Variants in CAMTA1 observed in about 807,000 individuals in gnomAD.
CAMTA1 encodes calmodulin binding transcription activator 1, also known as calmodulin-binding transcription activator 1.
A neutral mutation model predicts 170.9 loss-of-function variants in CAMTA1; 27 were observed. That is an observed-to-expected ratio of 0.16 (90% CI 0.12 to 0.22). CAMTA1 has a LOEUF of 0.22. Ranked by LOEUF, CAMTA1 falls within the 10% of genes least tolerant of loss-of-function variation. CAMTA1 has a pLI of 1.00. For missense variants in CAMTA1, 1,619 were observed against 2,217.2 expected (o/e 0.73, Z 5.42); for synonymous variants, 833 against 891.5 (o/e 0.93, Z 1.17).
At chr1:7,729,396 G>T (rs946114545) in intron 11 of CAMTA1, among the ~76,000 whole-genome samples, 1 of 152,128 alleles carries the variant, frequency 6.6e-6, no homozygotes, top group Admixed American at 6.6e-5. Flanking sequence ...GATTACAGGC[G>T]TGAGCCACCT....
At chr1:6,978,837 G>A (rs541752042) in intron 3 of CAMTA1, among the ~76,000 whole-genome samples, 4 of 152,230 alleles carry the variant, frequency 2.6e-5, no homozygotes, top group Non-Finnish European at 4.4e-5. Flanking sequence ...TTAATTGCTC[G>A]GTGTTTGGGA....
intron 4 of CAMTA1, among the ~76,000 whole-genome samples, chr1:7,152,270 C>G (rs780860249): frequency 6.6e-6 from 1 of 152,120 alleles, no homozygotes; most frequent in African/African-American, 2.4e-5. Flanking sequence ...TGCCAAGACT[C>G]GAAGCAGTAG....
intron 5 of CAMTA1, among the ~76,000 whole-genome samples, chr1:7,310,647 T>TCTTTCTTTCTTTCTTTTC (rs61161982): frequency 2.0e-5 from 1 of 49,148 alleles, no homozygotes; most frequent in African/African-American, 8.0e-5. Context: ...TTTCTTTCTT[T>TCTTTCTTTCTTTCTTTTC]TTTCTTTCTT....
intron 3 of CAMTA1, among the ~76,000 whole-genome samples, chr1:6,954,762 T>C (rs1335467792): frequency 3.3e-5 from 5 of 151,948 alleles, no homozygotes; most frequent in African/African-American, 1.2e-4. Flanking sequence ...GCAGCTGGAG[T>C]GGGAGCCACG....
At chr1:7,501,163 C>G in intron 6 of CAMTA1, among the ~76,000 whole-genome samples, 1 of 152,118 alleles carries the variant, frequency 6.6e-6, no homozygotes, top group East Asian at 1.9e-4. Flanking sequence ...GGCATTCTCC[C>G]CAGACCCTCC....
chr1:7,222,936 G>A lies in CAMTA1; in HGVS notation c.303-26555G>A, dbSNP rs186862075. Among the ~76,000 whole-genome samples, 320 of 152,348 alleles carry A rather than the reference G, an allele frequency of 2.1e-3. 3 individuals are homozygous for A. Among genetic ancestry groups the A allele is most frequent in the African/African-American group, 7.2e-3 (299 of 41,578 alleles). Reference sequence around the variant, plus strand: ...CCGGGGTGATGCTCATGAGGTGCCCGGCACCCTGTGTGGCACAGAAATGAC... The same window carrying A: ...CCGGGGTGATGCTCATGAGGTGCCCAGCACCCTGTGTGGCACAGAAATGAC... On this transcript the variant is annotated intron_variant, in intron 4 of 22. Transcript: ENST00000303635.
Position 7,680,420 on chromosome 1 carries a change from G to A in CAMTA1, c.2914+2687G>A, listed in dbSNP as rs1350409886. Among the ~76,000 whole-genome samples the A allele has an allele frequency of 2.0e-5, 3 of 152,128 alleles. No individual in the cohort carries two copies. The highest frequency in any genetic ancestry group is 7.2e-5 in the African/African-American group (3 of 41,458). ...GGGACTGCAGCGCGGAGCAAACTGG[G>A]GCACGGCTGCCGGCGGCGCGCGTGC... On this transcript the variant is annotated intron_variant, in intron 11 of 22. Transcript: ENST00000303635. The surrounding 1 kb of genome is among the most constrained non-coding windows in gnomAD (Gnocchi z 4.4).
At chr1:7,740,765 G>A (rs1003090062) in intron 16 of CAMTA1, among the ~76,000 whole-genome samples, 1 of 152,238 alleles carries the variant, frequency 6.6e-6, no homozygotes, top group African/African-American at 2.4e-5. Context: ...GGATAGAGCA[G>A]CTTTTTGAAA....
At chr1:7,491,054 C>G (rs1390923142) in intron 6 of CAMTA1, among the ~76,000 whole-genome samples, 2 of 152,208 alleles carry the variant, frequency 1.3e-5, no homozygotes, top group Non-Finnish European at 2.9e-5. Context: ...TTGCAAATAA[C>G]CTAATGAAAC....
At chr1:6,940,326 C>T (rs1270146952) in intron 3 of CAMTA1, among the ~76,000 whole-genome samples, 1 of 152,226 alleles carries the variant, frequency 6.6e-6, no homozygotes, top group Non-Finnish European at 1.5e-5. Flanking sequence ...AGTTCAAGGT[C>T]AGAAGACCAA....
rs548233504 is a variant in CAMTA1 at position 7,616,760 on chromosome 1, G to C, written c.511-23640G>C. 5.9e-5 allele frequency among the ~76,000 whole-genome samples: 9 copies of C among 152,300 alleles called. No homozygotes were observed. In the South Asian group the frequency reaches 1.9e-3, roughly 32 times the overall value. ...AGAGACGGGGCCCCCCCACCAGAGTGACAACTGCAGTGGAAATGAAGAGGA... is the reference window on the plus strand; with the variant it reads ...AGAGACGGGGCCCCCCCACCAGAGTCACAACTGCAGTGGAAATGAAGAGGA... On this transcript the variant is annotated intron_variant, in intron 6 of 22. Coordinates refer to ENST00000303635, the MANE Select transcript of CAMTA1 (RefSeq NM_015215.4).
chr1:7,409,552 C>A (rs752524866), intron 5 of CAMTA1, among the ~76,000 whole-genome samples: 3 of 149,594 alleles, frequency 2.0e-5, no homozygotes, highest in Non-Finnish European at 2.9e-5. Flanking sequence ...GCTTCCTGGG[C>A]CATGGCTGGC....
At chr1:6,865,245 T>G (rs1666172972) in intron 3 of CAMTA1, among the ~76,000 whole-genome samples, 1 of 152,218 alleles carries the variant, frequency 6.6e-6, no homozygotes, top group Admixed American at 6.5e-5. Context: ...TCACATAAGG[T>G]GCTGTGGTGG....
At chr1:6,888,922 C>CT (rs1210469074) in intron 3 of CAMTA1, among the ~76,000 whole-genome samples, 2 of 151,764 alleles carry the variant, frequency 1.3e-5, no homozygotes, top group African/African-American at 4.8e-5. Context: ...GTAGCACTAA[C>CT]TTGTAACGAA....
chr1:7,365,633 T>C (rs2085910725), intron 5 of CAMTA1, among the ~76,000 whole-genome samples: 1 of 152,208 alleles, frequency 6.6e-6, no homozygotes, highest in Non-Finnish European at 1.5e-5. Flanking sequence ...TCTTGGAGAA[T>C]GATCCCTTTC....
chr1:7,700,518 T>G (rs776900958), intron 11 of CAMTA1, among the ~76,000 whole-genome samples: 2 of 152,162 alleles, frequency 1.3e-5, no homozygotes, highest in Non-Finnish European at 2.9e-5. Flanking sequence ...ACCAATTCAA[T>G]CTCAGGACTG....
chr1:7,092,675 C>G lies in CAMTA1; in HGVS notation c.302+1304C>G, dbSNP rs1641630742. On this transcript the variant is annotated intron_variant, in intron 4 of 22. Transcript: ENST00000303635. This position sits in a 1 kb window ranked among gnomAD's most constrained non-coding sequence, Gnocchi z 5.0. ...TCAGTCAGCTTTTGCTGTGATAATT[C>G]TGTGTAAGAAACGACCTGCAAGCTT... Among the ~76,000 whole-genome samples the G allele has an allele frequency of 6.6e-6, 1 of 152,204 alleles. No homozygotes were observed. The highest frequency in any genetic ancestry group is 2.4e-5 in the African/African-American group (1 of 41,448).
At chr1:7,374,098 G>A (rs1237449338) in intron 5 of CAMTA1, among the ~76,000 whole-genome samples, 3 of 152,218 alleles carry the variant, frequency 2.0e-5, no homozygotes, top group Non-Finnish European at 2.9e-5. Flanking sequence ...GTGGAAGTCC[G>A]GAGTTAGTAC....
At chr1:6,873,331 A>T (rs2149003794) in intron 3 of CAMTA1, among the ~76,000 whole-genome samples, 1 of 152,036 alleles carries the variant, frequency 6.6e-6, no homozygotes, top group East Asian at 1.9e-4. Flanking sequence ...TTTTGCCTTA[A>T]GTATGTCCTT....
Sources: gnomAD v4.1 joint callset for allele counts (sites outside exome capture counted in the v4.1 genomes callset) on GRCh38, gnomAD v4.1.1 for gene constraint, Gnocchi (gnomAD v3.1) non-coding constraint, MANE v1.5 for transcripts, NCBI Gene and HGNC (gene_info 2026-07-23, HGNC 2026-07-21) for gene names.